Variants in SATL1 observed in about 807,000 individuals in gnomAD.
SATL1 encodes spermidine/spermine N1-acetyl transferase like 1.
SATL1 carries 47 observed loss-of-function variants against 51.8 expected under a neutral mutation model. The ratio of observed to expected loss-of-function variants is 0.91; its 90% CI spans 0.72 to 1.16. The LOEUF (loss-of-function observed/expected upper bound fraction) is 1.16. SATL1 is among the 50% of genes most tolerant of loss of function. The pLI, the probability that SATL1 is intolerant of heterozygous loss-of-function variation, is 0.00. For missense variants in SATL1, 520 were observed against 526.4 expected (o/e 0.99, Z 0.12); for synonymous variants, 176 against 182.4 (o/e 0.97, Z 0.28).
At chrX:85,179,391 T>C (rs1214393574) in intron 2 of SATL1, among the ~76,000 whole-genome samples, 1 of 111,854 alleles carries the variant, frequency 8.9e-6, no homozygotes, top group Non-Finnish European at 1.9e-5. Flanking sequence ...TGTTTCCTCA[T>C]TTTCCACTTT....
At chrX:85,173,217 C>T (rs1281548040) in intron 2 of SATL1, among the ~76,000 whole-genome samples, 2 of 110,533 alleles carry the variant, frequency 1.8e-5, no homozygotes, top group Non-Finnish European at 3.8e-5. Context: ...GGACCCAGGG[C>T]CAAATTATTT....
intron 2 of SATL1, among the ~76,000 whole-genome samples, chrX:85,144,127 G>C (rs1212980288): frequency 2.7e-5 from 3 of 111,477 alleles, no homozygotes; most frequent in African/African-American, 9.8e-5. Flanking sequence ...AGTAATTCTG[G>C]TGGGCACTTT....
chrX:85,185,001 A>AGAT (rs962754241), intron 2 of SATL1, among the ~76,000 whole-genome samples: 37 of 112,061 alleles, frequency 3.3e-4, no homozygotes, highest in African/African-American at 1.1e-3. Flanking sequence ...GAAGGGACTT[A>AGAT]GATGTTTTGA....
intron 2 of SATL1, among the ~76,000 whole-genome samples, chrX:85,192,308 T>C (rs1226657350): frequency 9.0e-6 from 1 of 111,690 alleles, no homozygotes; most frequent in Non-Finnish European, 1.9e-5. Flanking sequence ...CTCAGTAACC[T>C]ACAGGATGAA....
At chrX:85,196,553 C>A (rs1236401197) in intron 2 of SATL1, among the ~76,000 whole-genome samples, 1 of 111,394 alleles carries the variant, frequency 9.0e-6, no homozygotes, top group African/African-American at 3.3e-5. Context: ...TACATCACTA[C>A]AAAGGATGTA....
intron 2 of SATL1, among the ~76,000 whole-genome samples, chrX:85,177,003 T>C: frequency 9.0e-6 from 1 of 111,199 alleles, no homozygotes; most frequent in East Asian, 2.8e-4. Context: ...CAAAAATGAG[T>C]GGCCTCAATG....
At chrX:85,168,360 A>T (rs968370618) in intron 2 of SATL1, among the ~76,000 whole-genome samples, 2 of 111,593 alleles carry the variant, frequency 1.8e-5, no homozygotes, top group Non-Finnish European at 3.8e-5. Flanking sequence ...ACACGACATG[A>T]TCCTATATCT....
intron 2 of SATL1, among the ~76,000 whole-genome samples, chrX:85,184,852 G>A (rs1270245297): frequency 8.9e-6 from 1 of 111,985 alleles, no homozygotes; most frequent in Non-Finnish European, 1.9e-5. Flanking sequence ...TTCATCTGGT[G>A]AAGTCTTGTT....
intron 2 of SATL1, among the ~76,000 whole-genome samples, chrX:85,114,872 C>A (rs193226172): frequency 8.0e-5 from 9 of 112,013 alleles, no homozygotes; most frequent in Non-Finnish European, 1.7e-4. Context: ...ACTTTTATAA[C>A]CCTTTACAAT....
chrX:85,135,488 T>C (rs1452452947), intron 2 of SATL1, among the ~76,000 whole-genome samples: 2 of 110,444 alleles, frequency 1.8e-5, no homozygotes, highest in Non-Finnish European at 3.8e-5. Flanking sequence ...TTCTGAGAAG[T>C]ACTGCATTTA....
At chrX:85,197,921 T>C (rs1429689021) in intron 2 of SATL1, among the ~76,000 whole-genome samples, 1 of 110,463 alleles carries the variant, frequency 9.1e-6, no homozygotes, top group Non-Finnish European at 1.9e-5. Context: ...ATACTAGATC[T>C]TATTCATTCT....
intron 2 of SATL1, among the ~76,000 whole-genome samples, chrX:85,172,106 C>A (rs1926984949): frequency 9.0e-6 from 1 of 111,357 alleles, no homozygotes; most frequent in African/African-American, 3.2e-5. Flanking sequence ...CTTATATCTT[C>A]TTTCCTTCAA....
chrX:85,175,863 C>T (rs1199038628), intron 2 of SATL1, among the ~76,000 whole-genome samples: 1 of 110,683 alleles, frequency 9.0e-6, no homozygotes, highest in African/African-American at 3.3e-5. Flanking sequence ...CTCCTCCCTC[C>T]CTCTTATCTC....
chrX:85,121,490 G>T (rs1925507909), intron 2 of SATL1, among the ~76,000 whole-genome samples: 1 of 101,767 alleles, frequency 9.8e-6, no homozygotes, highest in Non-Finnish European at 2.0e-5. Flanking sequence ...TCTATTTCTT[G>T]TTAGTATATA....
rs751875933 is a variant in SATL1 at position 85,107,295 on chromosome X, C to A, written c.1641+33G>T. 2.6e-6 allele frequency: 3 copies of A among 1,138,129 alleles called. No homozygotes were observed. In the East Asian group the frequency reaches 9.0e-5, roughly 34 times the overall value. The allele number at this position is 1,138,129 out of a possible 1,213,427, so 93.8% of individuals were successfully genotyped here. A position where few individuals can be genotyped will look rare whatever the true frequency, so the allele number is the denominator to read the frequency against. On this transcript the variant is annotated intron_variant, in intron 3 of 7. Coordinates refer to ENST00000644105, the MANE Select transcript of SATL1 (RefSeq NM_001367857.2). ...TTACTCTTTCAGCCCTACACCAATG[C>A]CATGAGGCTCCATGTAATAAAAATA...
At chrX:85,203,817 G>A (rs1037890024) in intron 2 of SATL1, among the ~76,000 whole-genome samples, 1 of 112,637 alleles carries the variant, frequency 8.9e-6, no homozygotes, top group African/African-American at 3.2e-5. Flanking sequence ...GCCGCCACTG[G>A]TAGCTGGCTG....
intron 2 of SATL1, among the ~76,000 whole-genome samples, chrX:85,127,761 C>T (rs1036117609): frequency 3.5e-4 from 39 of 111,023 alleles, no homozygotes; most frequent in Non-Finnish European, 6.4e-4. Context: ...TCATCATTTA[C>T]ATTAGGTATT....
At chrX:85,218,547 A>C (rs977220294) in intron 2 of SATL1, among the ~76,000 whole-genome samples, 72 of 112,034 alleles carry the variant, frequency 6.4e-4, no homozygotes, top group African/African-American at 2.3e-3. Context: ...TGACATAAAT[A>C]ATGTTATGAT....
At chrX:85,149,442 A>T (rs1382962291) in intron 2 of SATL1, among the ~76,000 whole-genome samples, 1 of 111,521 alleles carries the variant, frequency 9.0e-6, no homozygotes, top group Non-Finnish European at 1.9e-5. Flanking sequence ...CAGGAATTGA[A>T]CTCAGCTCTG....
Sources: gnomAD v4.1 joint callset for allele counts (sites outside exome capture counted in the v4.1 genomes callset) on GRCh38, gnomAD v4.1.1 for gene constraint, MANE v1.5 for transcripts, NCBI Gene and HGNC (gene_info 2026-07-23, HGNC 2026-07-21) for gene names.